Variants in KCMF1 observed in about 807,000 individuals in gnomAD.
The protein encoded by KCMF1 is potassium channel modulatory factor 1, also known as E3 ubiquitin-protein ligase KCMF1.
KCMF1 carries 3 observed loss-of-function variants against 41.1 expected under a neutral mutation model. The observed-to-expected ratio is 0.07, with a 90% CI of 0.03 to 0.19. The LOEUF is 0.19. Among genes scored for constraint, KCMF1 ranks in the 10% least tolerant of loss-of-function variants. KCMF1 has a pLI of 1.00. For synonymous variants in KCMF1, 142 were observed against 164.5 expected (o/e 0.86, Z 1.04); for missense variants, 286 against 488.9 (o/e 0.58, Z 3.91).
chr2:85,029,598 CAAA>C (rs776521159), intron 2 of KCMF1, among the ~76,000 whole-genome samples: 2 of 99,518 alleles, frequency 2.0e-5, no homozygotes, highest in Non-Finnish European at 2.1e-5. Context: ...GACGCTATCT[CAAA>C]AAAAAAAAAA....
At chr2:84,990,461 G>A (rs896114672) in intron 1 of KCMF1, among the ~76,000 whole-genome samples, 6 of 152,044 alleles carry the variant, frequency 3.9e-5, no homozygotes, top group Non-Finnish European at 8.8e-5. Context: ...GGGGGGTGGA[G>A]TAGAAATGAA....
Position 85,057,402 on chromosome 2 carries a change from A to G in KCMF1, c.*3993A>G, listed in dbSNP as rs1391175893. ...CTCATCTCATCTCATTTCAGCCTCA[A>G]CAGTAATTGAAACCCTATGCCTGGC... On this transcript the variant is annotated 3_prime_UTR_variant, in exon 7 of 7. Transcript: ENST00000409785. 1.3e-5 allele frequency: 2 copies of G among 152,182 alleles called. No individual in the cohort carries two copies. Among genetic ancestry groups the G allele is most frequent in the Non-Finnish European group, 2.9e-5 (2 of 68,056 alleles). The allele number at this position is 152,182 out of a possible 1,614,324, so 9.4% of individuals were successfully genotyped here.
At chr2:84,971,804 C>T (rs1673402768) in intron 1 of KCMF1, among the ~76,000 whole-genome samples, 1 of 151,402 alleles carries the variant, frequency 6.6e-6, no homozygotes, top group Non-Finnish European at 1.5e-5. Context: ...CCAAGGCCCG[C>T]CCGGCCGGTT....
At chr2:85,014,720 CGTGCGT>C (rs144609855) in intron 1 of KCMF1, among the ~76,000 whole-genome samples, 85 of 141,846 alleles carry the variant, frequency 6.0e-4, no homozygotes, top group South Asian at 6.7e-4. Flanking sequence ...TGCGTGCGTG[CGTGCGT>C]GTGTGTGTGT....
intron 1 of KCMF1, among the ~76,000 whole-genome samples, chr2:85,023,701 G>A (rs1018281342): frequency 1.3e-5 from 2 of 152,156 alleles, no homozygotes; most frequent in African/African-American, 2.4e-5. Context: ...ACAGACAAAA[G>A]ATTCCCTCCC....
intron 1 of KCMF1, among the ~76,000 whole-genome samples, chr2:84,980,853 C>T (rs916891674): frequency 9.9e-5 from 15 of 152,028 alleles, no homozygotes; most frequent in Admixed American, 8.5e-4. Flanking sequence ...GTCATCCAGG[C>T]TGGTCTTGAA....
chr2:85,053,469 C>G lies in KCMF1; in HGVS notation c.*60C>G. On this transcript the variant is annotated 3_prime_UTR_variant, in exon 7 of 7. Coordinates refer to ENST00000409785, the MANE Select transcript of KCMF1 (RefSeq NM_020122.5). ...TGTATTTGCCAATGAAAGTGGACAA[C>G]AACTATCTTGGGTTTGTTTGGTGAT... The G allele has an allele frequency of 2.0e-6, 3 of 1,505,980 alleles. No individual in the cohort carries two copies. The highest frequency in any genetic ancestry group is 2.7e-6 in the Non-Finnish European group (3 of 1,116,900). 93.3% of individuals were successfully genotyped at this position (1,505,980 alleles called of 1,614,324 possible). A position where few individuals can be genotyped will look rare whatever the true frequency, so the allele number is the denominator to read the frequency against.
At chr2:85,016,808 G>A (rs568766358) in intron 1 of KCMF1, among the ~76,000 whole-genome samples, 9 of 151,252 alleles carry the variant, frequency 6.0e-5, no homozygotes, top group African/African-American at 1.7e-4. Flanking sequence ...TTCTGCCTCA[G>A]TCTCCCGAGT....
chr2:85,027,394 T>TG (rs1463010805), intron 1 of KCMF1, among the ~76,000 whole-genome samples: 1 of 126,272 alleles, frequency 7.9e-6, no homozygotes, highest in African/African-American at 3.5e-5. Flanking sequence ...TTTTTTTTTT[T>TG]GAGACAAAGC....
chr2:84,993,671 G>A (rs1260686335), intron 1 of KCMF1, among the ~76,000 whole-genome samples: 3 of 151,810 alleles, frequency 2.0e-5, no homozygotes, highest in African/African-American at 7.3e-5. Flanking sequence ...CACCTCCTGG[G>A]TTCAAGCGAT....
At chr2:85,025,522 C>T (rs1415736502) in intron 1 of KCMF1, among the ~76,000 whole-genome samples, 3 of 152,260 alleles carry the variant, frequency 2.0e-5, no homozygotes, top group South Asian at 2.1e-4. Flanking sequence ...CGTAACTCCC[C>T]GTTCTCCCTT....
chr2:85,017,608 G>T (rs1163492777), intron 1 of KCMF1, among the ~76,000 whole-genome samples: 1 of 135,002 alleles, frequency 7.4e-6, no homozygotes, highest in Non-Finnish European at 1.5e-5. Flanking sequence ...AGTCAAAATC[G>T]GCTGTCAATG....
intron 1 of KCMF1, among the ~76,000 whole-genome samples, chr2:84,977,560 A>T (rs1673581380): frequency 6.7e-6 from 1 of 149,894 alleles, no homozygotes; most frequent in Non-Finnish European, 1.5e-5. Context: ...AGGTCGGACC[A>T]CAGGTGTGCG....
At chr2:85,018,685 T>C (rs1674849403) in intron 1 of KCMF1, among the ~76,000 whole-genome samples, 2 of 152,274 alleles carry the variant, frequency 1.3e-5, no homozygotes, top group South Asian at 4.1e-4. Flanking sequence ...TTTAATGTAA[T>C]GGATGTCAGT....
intron 5 of KCMF1, among the ~76,000 whole-genome samples, chr2:85,048,860 G>A (rs1221278631): frequency 6.6e-6 from 1 of 152,150 alleles, no homozygotes; most frequent in Non-Finnish European, 1.5e-5. Context: ...GTGTGCAAGG[G>A]CCACCATCAG....
chr2:85,058,897 TTC>T lies in KCMF1; in HGVS notation c.*5490_*5491del, dbSNP rs1351374476. 1 of 152,174 alleles carries T rather than the reference TTC, an allele frequency of 6.6e-6. No individual in the cohort carries two copies. Among genetic ancestry groups the T allele is most frequent in the Non-Finnish European group, 1.5e-5 (1 of 68,036 alleles). The allele number at this position is 152,174 out of a possible 1,614,324, so 9.4% of individuals were successfully genotyped here. ...GTGAAGCCAGCCCAGAAGCATCCTC[TTC>T]TGTAAGCTGGATGGAGTCCCAGCTC... On this transcript the variant is annotated 3_prime_UTR_variant, in exon 7 of 7. Coordinates refer to ENST00000409785, the MANE Select transcript of KCMF1 (RefSeq NM_020122.5).
At chr2:85,017,012 C>CTT (rs768880385) in intron 1 of KCMF1, among the ~76,000 whole-genome samples, 1,027 of 99,474 alleles carry the variant, frequency 0.01, 4 homozygotes, top group Middle Eastern at 0.018. Flanking sequence ...AGATCCTCTT[C>CTT]TTTTTTTTTT....
At chr2:85,050,857 G>A (rs1675792006) in intron 6 of KCMF1, among the ~76,000 whole-genome samples, 1 of 152,292 alleles carries the variant, frequency 6.6e-6, no homozygotes, top group South Asian at 2.1e-4. Context: ...ATAACATATT[G>A]TGGGTGCAGA....
At chr2:85,034,356 T>A (rs1197056961) in intron 2 of KCMF1, among the ~76,000 whole-genome samples, 4 of 152,176 alleles carry the variant, frequency 2.6e-5, no homozygotes, top group Admixed American at 6.5e-5. Context: ...CATTTGTCCC[T>A]GTTACATGGT....
Sources: gnomAD v4.1 joint callset for allele counts (sites outside exome capture counted in the v4.1 genomes callset) on GRCh38, gnomAD v4.1.1 for gene constraint, MANE v1.5 for transcripts, NCBI Gene and HGNC (gene_info 2026-07-23, HGNC 2026-07-21) for gene names.